The following MYT1L variants were observed in gnomAD, a reference collection of about 807,000 sequenced individuals.
MYT1L encodes myelin transcription factor 1 like.
Under a neutral mutation model 126.7 loss-of-function variants are expected in MYT1L, and 12 were observed. The observed-to-expected ratio is 0.09, with a 90% CI of 0.06 to 0.15. The LOEUF is 0.15. MYT1L is among the 10% of genes least tolerant of loss of function. The probability of loss-of-function intolerance (pLI) is 1.00; values close to 1 mark genes in which losing one functional copy is unlikely to be tolerated. For synonymous variants in MYT1L, 541 were observed against 604.2 expected (o/e 0.90, Z 1.53); for missense variants, 979 against 1,585.2 (o/e 0.62, Z 6.49).
chr2:2,320,201 A>G (rs928233121), intron 1 of MYT1L, among the ~76,000 whole-genome samples: 2 of 152,100 alleles, frequency 1.3e-5, no homozygotes, highest in African/African-American at 4.8e-5. Flanking sequence ...GATCTTGAGC[A>G]CTGAGTGTCT....
intron 1 of MYT1L, among the ~76,000 whole-genome samples, chr2:2,318,231 C>T (rs1199729634): frequency 2.0e-5 from 3 of 152,082 alleles, no homozygotes; most frequent in African/African-American, 7.2e-5. Context: ...TGATATTTAC[C>T]ATTTGGAATA....
At chr2:2,156,753 G>A (rs2086792416) in intron 3 of MYT1L, among the ~76,000 whole-genome samples, 1 of 152,126 alleles carries the variant, frequency 6.6e-6, no homozygotes, top group African/African-American at 2.4e-5. Flanking sequence ...GGGCCCCAGG[G>A]ACACCTGACA....
intron 18 of MYT1L, among the ~76,000 whole-genome samples, chr2:1,857,693 T>G (rs973230169): frequency 1.3e-5 from 2 of 152,114 alleles, no homozygotes; most frequent in Non-Finnish European, 2.9e-5. Flanking sequence ...GAAAAACATA[T>G]TTGTAAATCA....
chr2:1,851,776 T>A (rs1375492159), intron 18 of MYT1L, 73 bp from the exon 19 acceptor site: 9 of 1,434,188 alleles, frequency 6.3e-6, no homozygotes, highest in Non-Finnish European at 8.8e-6. Flanking sequence ...TTTTTTTTAA[T>A]CCAAAAAGCA....
chr2:1,824,685 A>G (rs1468998281), intron 21 of MYT1L: 3 of 152,216 alleles, frequency 2.0e-5, no homozygotes, highest in East Asian at 1.9e-4. Flanking sequence ...GAGAGGAGAG[A>G]GTGGAGGAGG....
At chr2:1,796,889 G>C (rs1464712635) in intron 23 of MYT1L, among the ~76,000 whole-genome samples, 1 of 152,168 alleles carries the variant, frequency 6.6e-6, no homozygotes, top group Non-Finnish European at 1.5e-5. Flanking sequence ...CCCAGGCCGT[G>C]CCCTGCACTT....
At chr2:2,219,063 A>C (rs2148966837) in intron 2 of MYT1L, among the ~76,000 whole-genome samples, 1 of 152,314 alleles carries the variant, frequency 6.6e-6, no homozygotes, top group Middle Eastern at 3.4e-3. Context: ...CTTTAGTGGA[A>C]GGGAGGAATT....
intron 1 of MYT1L, among the ~76,000 whole-genome samples, chr2:2,309,347 A>G (rs950603559): frequency 6.6e-6 from 1 of 151,558 alleles, no homozygotes; most frequent in African/African-American, 2.4e-5. Context: ...ACACTTCAGT[A>G]TACTCTATCT....
chr2:1,902,464 G>A (rs1396951276), intron 14 of MYT1L, among the ~76,000 whole-genome samples: 4 of 152,226 alleles, frequency 2.6e-5, no homozygotes, highest in East Asian at 1.9e-4. Flanking sequence ...GTGAAGAGGC[G>A]ACAAGGAGGC....
chr2:2,230,610 C>T (rs2094137943), intron 2 of MYT1L, among the ~76,000 whole-genome samples: 1 of 152,184 alleles, frequency 6.6e-6, no homozygotes, highest in African/African-American at 2.4e-5. Flanking sequence ...TGTCAGCCCG[C>T]TCCCTACCCA....
intron 18 of MYT1L, among the ~76,000 whole-genome samples, chr2:1,856,959 C>T (rs571572261): frequency 2.8e-4 from 43 of 152,300 alleles, no homozygotes; most frequent in African/African-American, 9.4e-4. Context: ...TTGTTAGACA[C>T]ACGTGTTGAA....
intron 3 of MYT1L, among the ~76,000 whole-genome samples, chr2:2,058,789 C>A (rs1056487319): frequency 1.3e-5 from 2 of 152,258 alleles, no homozygotes; most frequent in South Asian, 4.1e-4. Context: ...GTGGGGAGGA[C>A]AGTTCAGGTA....
chr2:2,123,362 T>C (rs1284566711), intron 3 of MYT1L, among the ~76,000 whole-genome samples: 1 of 152,148 alleles, frequency 6.6e-6, no homozygotes, highest in East Asian at 1.9e-4. Flanking sequence ...GCAAGTGTCA[T>C]TAAGTTAAAG....
intron 3 of MYT1L, among the ~76,000 whole-genome samples, chr2:2,089,930 A>G (rs1199546227): frequency 2.0e-5 from 3 of 152,242 alleles, no homozygotes; most frequent in African/African-American, 7.2e-5. Flanking sequence ...TAAGTGAGAT[A>G]ATATACACAA....
chr2:2,197,439 C>G (rs143861182), intron 2 of MYT1L, among the ~76,000 whole-genome samples: 3 of 152,000 alleles, frequency 2.0e-5, no homozygotes, highest in Non-Finnish European at 4.4e-5. Context: ...CACAGATGAG[C>G]GCATAAAAAC....
chr2:2,081,325 C>T (rs1480241389), intron 3 of MYT1L, among the ~76,000 whole-genome samples: 7 of 152,266 alleles, frequency 4.6e-5, no homozygotes, highest in Admixed American at 1.3e-4. Context: ...AATTTATTAA[C>T]GGCTGTATAA....
intron 13 of MYT1L, among the ~76,000 whole-genome samples, chr2:1,907,109 C>G (rs895927661): frequency 1.5e-4 from 22 of 148,046 alleles, no homozygotes; most frequent in African/African-American, 5.2e-4. Context: ...GAGACCCTGT[C>G]TCTAAAAATT....
At chr2:2,065,848 G>GCGCACA (rs2071200749) in intron 3 of MYT1L, among the ~76,000 whole-genome samples, 1 of 135,324 alleles carries the variant, frequency 7.4e-6, no homozygotes, top group African/African-American at 2.7e-5. Context: ...ACACACACAC[G>GCGCACA]CACACACACA....
At chr2:1,876,698 G>A (rs1188333744) in intron 18 of MYT1L, among the ~76,000 whole-genome samples, 5 of 152,284 alleles carry the variant, frequency 3.3e-5, no homozygotes, top group Non-Finnish European at 5.9e-5. Context: ...CCAGGGCTCC[G>A]GACTGGCCTC....
Sources: allele counts gnomAD v4.1 joint callset (sites outside exome capture counted in the v4.1 genomes callset), GRCh38; gene constraint gnomAD v4.1.1; transcripts MANE v1.5; gene names NCBI Gene and HGNC (gene_info 2026-07-23, HGNC 2026-07-21).